The following CRAMP1 variants were observed in gnomAD, a reference collection of about 807,000 sequenced individuals.
CRAMP1 encodes protein cramped-like.
A neutral mutation model predicts 115.4 loss-of-function variants in CRAMP1; 50 were observed. The observed-to-expected ratio is 0.43, with a 90% CI of 0.35 to 0.55. The LOEUF (loss-of-function observed/expected upper bound fraction) is 0.55. Ranked by LOEUF, CRAMP1 falls within the 20% of genes least tolerant of loss-of-function variation. The pLI, the probability that CRAMP1 is intolerant of heterozygous loss-of-function variation, is 0.01. For synonymous variants in CRAMP1, 866 were observed against 745.4 expected (o/e 1.16, Z -2.64); for missense variants, 1,679 against 1,721.7 (o/e 0.98, Z 0.44).
rs1261788272 is a variant in CRAMP1 at position 1,656,657 on chromosome 16, G to A, written c.1900G>A (p.Asp634Asn). 6.3e-7 allele frequency: 1 copy of A among 1,576,560 alleles called. No individual in the cohort carries two copies. Among genetic ancestry groups the A allele is most frequent in the East Asian group, 2.3e-5 (1 of 42,600 alleles). The change falls in exon 10 of 21, where the codon GAT (aspartate) becomes AAT (asparagine). Residue 634 changes from aspartate to asparagine, a missense_variant. Asp to Asn is a conservative substitution (Grantham distance 23). Transcript: ENST00000397412. This position sits in a 1 kb window ranked among gnomAD's most constrained non-coding sequence, Gnocchi z 5.6. ...LLDVCTKDLA[D>N]APAEELQEKG... ...GGATGTTTGCACTAAAGACTTGGCA[G>A]ATGCACCTGCGGAGGAGCTCCAGGA... is the stretch of plus-strand genomic sequence containing the variant.
chr16:1,669,095 C>G lies in CRAMP1; in HGVS notation c.3429C>G (p.Ile1143Met), dbSNP rs772474983. ...SPSSSPQPHW[I>M]ASPTHDPQWY... ...CCAGCAGCCCCCAGCCACACTGGAT[C>G]GCCTCTCCCACCCACGACCCCCAGT... is the stretch of plus-strand genomic sequence containing the variant. Residue 1143 changes from isoleucine (I) to methionine (M), a missense_variant, in exon 19 of 21, where the codon ATC (isoleucine) becomes ATG (methionine). Around this residue, in one of 8 missense-constraint regions of CRAMP1, gnomAD observed 709 missense variants for 741.9 expected, o/e 0.96. Coordinates refer to ENST00000397412, the MANE Select transcript of CRAMP1 (RefSeq NM_020825.4). The surrounding 1 kb of genome is among the most constrained non-coding windows in gnomAD (Gnocchi z 4.6). The G allele has an allele frequency of 3.1e-6, 5 of 1,611,648 alleles. No individual in the cohort carries two copies. The highest frequency in any genetic ancestry group is 1.3e-5 in the African/African-American group (1 of 74,972).
intron 3 of CRAMP1, among the ~76,000 whole-genome samples, chr16:1,628,543 C>T (rs368753287): frequency 7.2e-5 from 11 of 152,192 alleles, no homozygotes; most frequent in African/African-American, 2.4e-4. Flanking sequence ...CATGAGTCAC[C>T]GCACCTGGCC....
intron 13 of CRAMP1, among the ~76,000 whole-genome samples, chr16:1,663,351 G>A (rs1050114710): frequency 2.0e-5 from 3 of 152,196 alleles, no homozygotes; most frequent in Non-Finnish European, 4.4e-5. Context: ...GAAATGTATG[G>A]ATGTGTGTTA....
chr16:1,636,537 C>G (rs940122106), intron 4 of CRAMP1, among the ~76,000 whole-genome samples: 4 of 152,152 alleles, frequency 2.6e-5, no homozygotes, highest in African/African-American at 9.7e-5. Context: ...TCTCCATTTA[C>G]CAGTCTTAGG....
intron 20 of CRAMP1, among the ~76,000 whole-genome samples, chr16:1,673,535 CTG>C (rs1192261087): frequency 6.6e-6 from 1 of 152,258 alleles, no homozygotes; most frequent in Non-Finnish European, 1.5e-5. Context: ...CACTCTGCAT[CTG>C]TTTCTGCAGG....
In CRAMP1 at chr16:1,655,948, C is replaced by T. The variant is rs1470555938; in HGVS notation, c.1191C>T (p.His397=). ...SAPMQEKVTL[H]LFPGENCTLT... is the part of the protein sequence containing the mutation. ...CGATGCAGGAGAAGGTGACACTGCA[C>T]TTGTTCCCAGGCGAGAACTGTACAC... Residue 397 remains histidine, a synonymous_variant, in exon 10 of 21, where the codon CAC becomes CAT. Transcript: ENST00000397412. 6.2e-7 allele frequency: 1 copy of T among 1,613,160 alleles called. No homozygotes were observed. Among genetic ancestry groups the T allele is most frequent in the Non-Finnish European group, 8.5e-7 (1 of 1,179,870 alleles).
At position 1,668,249 on chromosome 16, in the gene CRAMP1, C is replaced by G; in HGVS notation, c.3334+56C>G. 4 of 1,226,050 alleles carry G rather than the reference C, an allele frequency of 3.3e-6. No homozygotes were observed. The South Asian group carries it at 4.9e-5, about 15-fold the overall frequency. 75.9% of individuals were successfully genotyped at this position (1,226,050 alleles called of 1,614,324 possible). ...TGTCATCAGGTGTTGATCTCCTGCC[C>G]CAATGTTTGCCACACTTCCTGGGGA... On this transcript the variant is annotated intron_variant, in intron 18 of 20. Transcript: ENST00000397412.
chr16:1,670,935 A>G (rs534112744), intron 20 of CRAMP1, 126 bp downstream of exon 20: 8 of 835,704 alleles, frequency 9.6e-6, no homozygotes, highest in Non-Finnish European at 1.5e-5. Flanking sequence ...AGGAGACAGC[A>G]CGTCCACACT....
chr16:1,641,838 G>T (rs933529336), intron 6 of CRAMP1, among the ~76,000 whole-genome samples: 1 of 151,072 alleles, frequency 6.6e-6, no homozygotes. Context: ...GCCTGGGGGG[G>T]TTCCCCACTC....
rs886144468 is a variant in CRAMP1 at position 1,656,707 on chromosome 16, G to A, written c.1950G>A (p.Pro650=). The A allele has an allele frequency of 1.2e-5, 19 of 1,555,266 alleles. No homozygotes were observed. Among genetic ancestry groups the A allele is most frequent in the Middle Eastern group, 1.7e-4 (1 of 6,012 alleles). ...AGAAGGGGAGCCCCGCGGGGCCTCC[G>A]CCGTCTCAGGGACAGCCTGCCGCCA... is the stretch of plus-strand genomic sequence containing the variant. ...LQEKGSPAGP[P]PSQGQPAARP... Residue 650 remains proline (P), a synonymous_variant, in exon 10 of 21, where the codon CCG becomes CCA. Coordinates refer to ENST00000397412, the MANE Select transcript of CRAMP1 (RefSeq NM_020825.4). This position sits in a 1 kb window ranked among gnomAD's most constrained non-coding sequence, Gnocchi z 5.6.
rs372185664 is a variant in CRAMP1, at chr16:1,656,270, A to G, written c.1513A>G (p.Ser505Gly). ...PGEGAALSLS[S>G]PDAPDRPPPR... ...GGAGGGGGCTGCCCTAAGCTTGAGC[A>G]GCCCGGACGCTCCTGACAGGCCTCC... The change falls in exon 10 of 21, where the codon AGC becomes GGC. Residue 505 changes from serine to glycine, a missense_variant. Physicochemically the swap from Ser to Gly is moderately conservative, Grantham distance 56. Around this residue, in one of 8 missense-constraint regions of CRAMP1, gnomAD observed 405 missense variants for 302.6 expected, o/e 1.34. Transcript: ENST00000397412. This position sits in a 1 kb window ranked among gnomAD's most constrained non-coding sequence, Gnocchi z 5.6. 5 of 1,611,644 alleles carry G rather than the reference A, an allele frequency of 3.1e-6. No homozygotes were observed. Among genetic ancestry groups the G allele is most frequent in the Non-Finnish European group, 4.2e-6 (5 of 1,179,734 alleles).
chr16:1,627,909 C>T (rs1157635786), intron 3 of CRAMP1, among the ~76,000 whole-genome samples: 1 of 152,110 alleles, frequency 6.6e-6, no homozygotes, highest in Non-Finnish European at 1.5e-5. Flanking sequence ...AACAATTACT[C>T]CTGTGGTGTG....
intron 4 of CRAMP1, 63 bp from the exon 5 acceptor site, chr16:1,637,761 C>A: frequency 2.5e-6 from 2 of 800,778 alleles, no homozygotes; most frequent in Non-Finnish European, 3.8e-6. Context: ...GTGGCTCTCA[C>A]ACCCAAGCCA....
intron 11 of CRAMP1, among the ~76,000 whole-genome samples, chr16:1,662,067 A>G (rs1411110875): frequency 1.3e-5 from 2 of 152,174 alleles, no homozygotes; most frequent in African/African-American, 2.4e-5. Context: ...TGTAGTTGCT[A>G]TTGTGCACGG....
chr16:1,673,134 A>G (rs576620274), intron 20 of CRAMP1, among the ~76,000 whole-genome samples: 9 of 150,246 alleles, frequency 6.0e-5, no homozygotes, highest in African/African-American at 2.0e-4. Context: ...TCTGATGGGA[A>G]CGTGCCCCCA....
At chr16:1,633,562 T>G (rs568414654) in intron 4 of CRAMP1, among the ~76,000 whole-genome samples, 1 of 152,358 alleles carries the variant, frequency 6.6e-6, no homozygotes, top group African/African-American at 2.4e-5. Context: ...CGTTTTGTCC[T>G]ATATTTGATG....
chr16:1,619,157 TAAC>T (rs1241541976), intron 2 of CRAMP1, among the ~76,000 whole-genome samples: 4 of 152,218 alleles, frequency 2.6e-5, no homozygotes, highest in African/African-American at 9.6e-5. Context: ...GTCACATAAG[TAAC>T]AACAGCGGGG....
chr16:1,623,313 G>A (rs551074810), intron 2 of CRAMP1, among the ~76,000 whole-genome samples: 1 of 152,316 alleles, frequency 6.6e-6, no homozygotes, highest in South Asian at 2.1e-4. Flanking sequence ...TGCCTTTACT[G>A]TTGTGCCTTC....
chr16:1,654,237 G>A (rs1197988115), intron 8 of CRAMP1, among the ~76,000 whole-genome samples: 1 of 149,588 alleles, frequency 6.7e-6, no homozygotes, highest in Non-Finnish European at 1.5e-5. Flanking sequence ...CCGAGATGGA[G>A]TCTTGCTCTG....
Sources: gnomAD v4.1 joint callset for allele counts (sites outside exome capture counted in the v4.1 genomes callset) on GRCh38, gnomAD v4.1.1 for gene constraint, gnomAD v4.1.1 regional missense constraint, Gnocchi (gnomAD v3.1) non-coding constraint, MANE v1.5 for transcripts, NCBI Gene and HGNC (gene_info 2026-07-23, HGNC 2026-07-21) for gene names.